The following TSC2 variants were observed in gnomAD, a reference collection of about 807,000 sequenced individuals.
The protein encoded by TSC2 is tuberin.
A neutral mutation model predicts 202.2 loss-of-function variants in TSC2; 29 were observed. The ratio of observed to expected loss-of-function variants is 0.14; its 90% CI spans 0.11 to 0.20. The LOEUF (loss-of-function observed/expected upper bound fraction) is 0.20, where lower values mean the gene tolerates loss of function less well. Among genes scored for constraint, TSC2 ranks in the 10% least tolerant of loss-of-function variants. The pLI is 1.00. For missense variants in TSC2, 2,429 were observed against 2,420.0 expected, an observed-to-expected ratio of 1.00 and a Z score of -0.08; for synonymous variants, 1,349 against 1,044.0, an observed-to-expected ratio of 1.29 and a Z score of -5.63.
chr16:2,049,632 C>G (rs1431445443), intron 2 of TSC2, among the ~76,000 whole-genome samples: 1 of 151,686 alleles, frequency 6.6e-6, no homozygotes. Flanking sequence ...TGAGACCAGC[C>G]TGGCCAACAT....
At position 2,084,385 on chromosome 16, in the gene TSC2, C is replaced by G; in HGVS notation, c.4163C>G (p.Ser1388Cys). The G allele has an allele frequency of 6.2e-7, 1 of 1,612,388 alleles. No homozygotes were observed. The highest frequency in any genetic ancestry group is 8.5e-7 in the Non-Finnish European group (1 of 1,179,900). ...CAGCCCCTGAGCAAGTCCAGCTCCT[C>G]TCCCGAGCTGCAGACTCTGCAGGAC... ...PSQPLSKSSS[S>C]PELQTLQDIL... Residue 1388 changes from serine to cysteine, a missense_variant, in exon 34 of 42, where the codon TCT becomes TGT. By Grantham distance (112) the Ser-to-Cys change is moderately radical (BLOSUM62 -1). Transcript: ENST00000219476.
At position 2,079,267 on chromosome 16, in the gene TSC2, G is replaced by A. The variant is rs1367489214; in HGVS notation, c.3132-9G>A. 6.2e-7 allele frequency: 1 copy of A among 1,612,862 alleles called. No individual in the cohort carries two copies. Among genetic ancestry groups the A allele is most frequent in the Non-Finnish European group, 8.5e-7 (1 of 1,180,034 alleles). On this transcript the variant is annotated splice_polypyrimidine_tract_variant and intron_variant, in intron 27 of 41. Transcript: ENST00000219476. The surrounding 1 kb of genome is among the most constrained non-coding windows in gnomAD (Gnocchi z 4.6). Reference sequence around the variant, plus strand: ...GGGCAAGCTGGGTTTCACGCTCCCTGTCTTCTAGGTCTCCTGTGGGCGAGT... The same window carrying A: ...GGGCAAGCTGGGTTTCACGCTCCCTATCTTCTAGGTCTCCTGTGGGCGAGT...
rs1018979725 is a variant in TSC2, at chr16:2,072,351, T to C, written c.2208T>C (p.Ala736=). The stretch of plus-strand genomic sequence containing the variant: ...GCAGTGTGGACCAGCTGTGCTCTGC[T>C]CTCTGCTCCATGGTACCATGGCCGG... The part of the protein sequence containing the change: ...SPCSVDQLCS[A]LCSMLSGPKT... Residue 736 remains alanine, a synonymous_variant, in exon 20 of 42, where the codon GCT becomes GCC. Transcript: ENST00000219476. 3 of 1,613,922 alleles carry C rather than the reference T, an allele frequency of 1.9e-6. No homozygotes were observed. Among genetic ancestry groups the C allele is most frequent in the African/African-American group, 1.3e-5 (1 of 74,922 alleles).
chr16:2,048,935 G>A (rs757090695), intron 2 of TSC2, among the ~76,000 whole-genome samples, 182 bp downstream of exon 2: 3 of 152,202 alleles, frequency 2.0e-5, no homozygotes, highest in Admixed American at 6.5e-5. Context: ...GGATCTTGGT[G>A]ACCTGGTTCA....
chr16:2,086,907 G>C, intron 38 of TSC2, 36 bp downstream of exon 38: 1 of 1,556,222 alleles, frequency 6.4e-7, no homozygotes, highest in Non-Finnish European at 8.7e-7. Flanking sequence ...TGGGCCCCAG[G>C]CAGGTGCCCA....
intron 11 of TSC2, 43 bp downstream of exon 11, chr16:2,060,856 A>G (rs1230077899): frequency 1.2e-6 from 2 of 1,608,898 alleles, no homozygotes; most frequent in African/African-American, 2.7e-5. Flanking sequence ...GGGAACCCAG[A>G]CAGGCAGGCT....
At position 2,075,191 on chromosome 16, in the gene TSC2, C is replaced by T. The variant is rs192027226; in HGVS notation, c.2546-608C>T. The T allele has an allele frequency of 1.9e-3, 299 of 156,206 alleles. 3 individuals are homozygous for T. Among genetic ancestry groups the T allele is most frequent in the East Asian group, 6.8e-3 (36 of 5,268 alleles). The allele number at this position is 156,206 out of a possible 1,614,324, so 9.7% of individuals were successfully genotyped here. Reference sequence around the variant, plus strand: ...TGAGCTGAGATCACGCCACCGCACTCCAGCCTGGGCAACAGAGCGAGACAC... The same window carrying T: ...TGAGCTGAGATCACGCCACCGCACTTCAGCCTGGGCAACAGAGCGAGACAC... On this transcript the variant is annotated intron_variant, in intron 22 of 41. Coordinates refer to ENST00000219476, the MANE Select transcript of TSC2 (RefSeq NM_000548.5).
rs775390128 is a variant in TSC2 at position 2,070,537 on chromosome 16, C to T, written c.1798C>T (p.His600Tyr). 10 of 1,613,188 alleles carry T rather than the reference C, an allele frequency of 6.2e-6. No homozygotes were observed. Among genetic ancestry groups the T allele is most frequent in the Admixed American group, 3.3e-5 (2 of 60,010 alleles). The change falls in exon 17 of 42, where the codon CAC becomes TAC. Residue 600 changes from histidine to tyrosine, a missense_variant. Transcript: ENST00000219476. ...CAGCCACATTCAGCTCCACTACAAG[C>T]ACAGCTACACCCTGCCAATCGCGAG... The part of the protein sequence containing the change: ...LVSHIQLHYK[H>Y]SYTLPIASSI...
At position 2,078,901 on chromosome 16, in the gene TSC2, G is replaced by A; in HGVS notation, c.2967-131G>A. The A allele has an allele frequency of 4.9e-6, 6 of 1,231,386 alleles. No individual in the cohort carries two copies. In the South Asian group the frequency reaches 4.9e-5, roughly 10 times the overall value. 76.3% of individuals were successfully genotyped at this position (1,231,386 alleles called of 1,614,324 possible). ...TTCTCAAGCTGAGGCTCGCTGGGCC[G>A]CCCACGCCCTGTTGGGGTCTTTCCG... On this transcript the variant is annotated intron_variant, in intron 26 of 41. Coordinates refer to ENST00000219476, the MANE Select transcript of TSC2 (RefSeq NM_000548.5).
In TSC2 at chr16:2,081,728, C is replaced by G. The variant is rs45517307; in HGVS notation, c.3744C>G (p.Ala1248=). Residue 1248 remains alanine (A), a synonymous_variant, in exon 31 of 42, where the codon GCC becomes GCG. Coordinates refer to ENST00000219476, the MANE Select transcript of TSC2 (RefSeq NM_000548.5). ...AERFKEHRDT[A]LYKSLSVPAA... The stretch of plus-strand genomic sequence containing the variant: ...GCTTCAAGGAGCACCGGGACACAGC[C>G]CTGTACAAGTCACTGTCGGTGCCGG... 5.0e-6 allele frequency: 8 copies of G among 1,612,990 alleles called. No homozygotes were observed. Among genetic ancestry groups the G allele is most frequent in the Non-Finnish European group, 6.8e-6 (8 of 1,180,016 alleles).
Position 2,062,595 on chromosome 16 carries a change from C to A in TSC2, c.1356C>A (p.Phe452Leu), listed in dbSNP as rs769147552. ...IQNLQALMER[F>L]FRSESRGAVR... The stretch of plus-strand genomic sequence containing the variant: ...ACCTGCAGGCGCTGATGGAGAGATT[C>A]TTCAGGTAGGGGGTCCTCTGTAGCC... Residue 452 changes from phenylalanine (F) to leucine (L), a missense_variant, in exon 13 of 42, where the codon TTC becomes TTA. By Grantham distance (22) the Phe-to-Leu change is conservative. Transcript: ENST00000219476. The A allele has an allele frequency of 6.8e-6, 11 of 1,606,892 alleles. No homozygotes were observed.
rs2086222827 is a variant in TSC2 at position 2,058,748 on chromosome 16, G to A, written c.850G>A (p.Ala284Thr). 1 of 1,580,166 alleles carries A rather than the reference G, an allele frequency of 6.3e-7. No homozygotes were observed. The highest frequency in any genetic ancestry group is 8.6e-7 in the Non-Finnish European group (1 of 1,162,802). ...YNMCHLMEDR[A>T]YMEDAPLLRG... Reference sequence around the variant, plus strand: ...CGTCTCTCTGGGGAACACTTTTAGAGCCTACATGGAGGACGCGCCCCTGCT... The same window carrying A: ...CGTCTCTCTGGGGAACACTTTTAGAACCTACATGGAGGACGCGCCCCTGCT... The change falls in exon 10 of 42, where the codon GCC (alanine) becomes ACC (threonine). Residue 284 changes from alanine to threonine, a missense_variant and splice_region_variant. Coordinates refer to ENST00000219476, the MANE Select transcript of TSC2 (RefSeq NM_000548.5).
intron 26 of TSC2, 63 bp downstream of exon 26, chr16:2,077,789 G>A: frequency 6.2e-7 from 1 of 1,603,030 alleles, no homozygotes; most frequent in Non-Finnish European, 8.5e-7. Flanking sequence ...CACCTGGGTG[G>A]CAGTGCATGG....
intron 26 of TSC2, chr16:2,078,624 C>T: frequency 3.1e-6 from 1 of 321,646 alleles, no homozygotes; most frequent in South Asian, 2.9e-5. Context: ...GGTGGAAGGC[C>T]ACATGGGGAT....
chr16:2,088,196 TA>T (rs2091117226), intron 40 of TSC2, 30 bp from the exon 41 acceptor site: 3 of 1,612,792 alleles, frequency 1.9e-6, no homozygotes, highest in South Asian at 2.2e-5. Flanking sequence ...TGCCACCTGA[TA>T]GTGAGCTCAC....
chr16:2,076,192 G>T (rs369907441), intron 24 of TSC2, 22 bp downstream of exon 24: 6 of 1,613,154 alleles, frequency 3.7e-6, no homozygotes, highest in East Asian at 2.2e-5. Context: ...GCCGGTGAAG[G>T]CTGTGTCTCT....
chr16:2,072,938 G>C lies in TSC2; in HGVS notation c.2310G>C (p.Leu770=), dbSNP rs772380298. ...TDLHLAVVPV[L]TALISYHNYL... The stretch of plus-strand genomic sequence containing the variant: ...TGCACCTGGCCGTGGTTCCAGTGCT[G>C]ACAGCATTAATCTCTTACCATAACT... Residue 770 remains leucine (L), a synonymous_variant, in exon 21 of 42, where the codon CTG becomes CTC. Transcript: ENST00000219476. 4 of 1,613,506 alleles carry C rather than the reference G, an allele frequency of 2.5e-6. No homozygotes were observed. The African/African-American group carries it at 5.3e-5, about 22-fold the overall frequency.
At chr16:2,070,305 A>T (rs1465905535) in intron 16 of TSC2, 151 bp from the exon 17 acceptor site, 4 of 1,340,148 alleles carry the variant, frequency 3.0e-6, no homozygotes, top group Non-Finnish European at 2.1e-6. Context: ...CTGTGGAGAG[A>T]GAGTCCTGGT....
intron 14 of TSC2, chr16:2,063,857 C>T (rs1342495480): frequency 2.9e-6 from 1 of 342,920 alleles, no homozygotes; most frequent in Non-Finnish European, 5.7e-6. Context: ...AGCACGCACA[C>T]ACACGCATAT....
Sources: allele counts gnomAD v4.1 joint callset (sites outside exome capture counted in the v4.1 genomes callset), GRCh38; gene constraint gnomAD v4.1.1; non-coding constraint Gnocchi (gnomAD v3.1); transcripts MANE v1.5; gene names NCBI Gene and HGNC (gene_info 2026-07-23, HGNC 2026-07-21).